The following TNFSF14 variants were observed in gnomAD, a reference collection of about 807,000 sequenced individuals.
The protein encoded by TNFSF14 is tumor necrosis factor ligand superfamily member 14.
TNFSF14 carries 15 observed loss-of-function variants against 22.7 expected under a neutral mutation model. That is an observed-to-expected ratio of 0.66 (90% CI 0.44 to 1.02). The LOEUF (loss-of-function observed/expected upper bound fraction) is 1.02, where lower values mean the gene tolerates loss of function less well. TNFSF14 is among the 50% of genes least tolerant of loss of function. TNFSF14 has a pLI of 0.00. For synonymous variants in TNFSF14, 133 were observed against 139.6 expected (o/e 0.95, Z 0.33); for missense variants, 287 against 326.2 (o/e 0.88, Z 0.93).
Position 6,663,358 on chromosome 19 carries a change from G to T in TNFSF14, c.*1568C>A, listed in dbSNP as rs1477271134. ...TGTGTGTAATGTTGTGTTTGTCATT[G>T]TGATGTGTGTGTAATGTGTGTTTGT... On this transcript the variant is annotated 3_prime_UTR_variant, in exon 4 of 4. Coordinates refer to ENST00000675206, the MANE Select transcript of TNFSF14 (RefSeq NM_001376887.1). The T allele has an allele frequency of 6.6e-6, 1 of 151,880 alleles. No individual in the cohort carries two copies. Among genetic ancestry groups the T allele is most frequent in the East Asian group, 1.9e-4 (1 of 5,174 alleles). The allele number at this position is 151,880 out of a possible 1,614,324, so 9.4% of individuals were successfully genotyped here.
At chr19:6,668,708 C>CAA (rs56998273) in intron 1 of TNFSF14, among the ~76,000 whole-genome samples, 3 of 139,384 alleles carry the variant, frequency 2.2e-5, no homozygotes, top group African/African-American at 7.9e-5. Flanking sequence ...AACCTTGTCT[C>CAA]AAAAAAAAAA....
At chr19:6,670,197 G>A (rs1917565502), upstream of TNFSF14, 1 of 1,471,666 alleles carries the variant, frequency 6.8e-7, no homozygotes, top group Non-Finnish European at 9.0e-7. Flanking sequence ...TAGAGCTGGG[G>A]TTCAGCCCCA....
At chr19:6,670,512 A>C (rs1917577263), upstream of TNFSF14, 3 of 174,668 alleles carry the variant, frequency 1.7e-5, no homozygotes, top group South Asian at 3.0e-4. Context: ...AGAGACAAGA[A>C]ACCTCGTAAA....
intron 1 of TNFSF14, 142 bp downstream of exon 1, chr19:6,669,709 C>T: frequency 7.5e-7 from 1 of 1,325,964 alleles, no homozygotes. Context: ...ACCAGTCAAG[C>T]CAGCTGCTCT....
In TNFSF14 at chr19:6,665,350, C is replaced by A; in HGVS notation, c.299G>T (p.Gly100Val). The A allele has an allele frequency of 6.4e-7, 1 of 1,563,246 alleles. No individual in the cohort carries two copies. Among genetic ancestry groups the A allele is most frequent in the Non-Finnish European group, 8.7e-7 (1 of 1,155,672 alleles). ...HEVNPAAHLTGANSSLTGSGG... is the reference protein window; with the variant it reads ...HEVNPAAHLTVANSSLTGSGG... ...GCTGCCGGTCAAGCTGGAGTTGGCC[C>A]CTGTTGGGAAGAGAGAGACAAAGGG... Residue 100 changes from glycine (G) to valine (V), a missense_variant and splice_region_variant, in exon 4 of 4, where the codon GGG becomes GTG. By Grantham distance (109) the Gly-to-Val change is moderately radical. Transcript: ENST00000675206.
intron 3 of TNFSF14, among the ~76,000 whole-genome samples, chr19:6,665,833 G>C (rs1381434009): frequency 6.6e-6 from 1 of 151,388 alleles, no homozygotes; most frequent in Non-Finnish European, 1.5e-5. Context: ...GTAGAGGTGG[G>C]GGTCTCACAA....
rs1917277501 is a variant in TNFSF14 at position 6,662,734 on chromosome 19, A to G, written c.*2192T>C. 1 of 152,252 alleles carries G rather than the reference A, an allele frequency of 6.6e-6. No individual in the cohort carries two copies. Among genetic ancestry groups the G allele is most frequent in the Non-Finnish European group, 1.5e-5 (1 of 68,054 alleles). 9.4% of individuals were successfully genotyped at this position (152,252 alleles called of 1,614,324 possible). A position where few individuals can be genotyped will look rare whatever the true frequency, so the allele number is the denominator to read the frequency against. On this transcript the variant is annotated 3_prime_UTR_variant, in exon 4 of 4. Transcript: ENST00000675206. ...TGCATAGACCCTCTAATTTGTATGC[A>G]TATCATTATCTGCCCCCACCCAACC...
rs760447856 is a variant in TNFSF14 at position 6,665,244 on chromosome 19, G to A, written c.405C>T (p.Val135=). 6.2e-7 allele frequency: 1 copy of A among 1,614,084 alleles called. No homozygotes were observed. The highest frequency in any genetic ancestry group is 8.5e-7 in the Non-Finnish European group (1 of 1,180,040). ...AGATGTAGTAGTAGCCAGCTTTGGT[G>A]ACCACAAGGGCCCCATCGTGGTAGC... ...GLSYHDGALV[V]TKAGYYYIYS... Residue 135 remains valine, a synonymous_variant, in exon 4 of 4, where the codon GTC becomes GTT. Transcript: ENST00000675206.
upstream of TNFSF14, chr19:6,670,312 T>C (rs752990900): frequency 3.1e-5 from 42 of 1,336,434 alleles, no homozygotes; most frequent in African/African-American, 8.8e-5. Flanking sequence ...CAGAGGCTTC[T>C]GAAAATGTGA....
rs919605294 is a variant in TNFSF14 at position 6,667,955 on chromosome 19, C to G, written c.220-506G>C. ...GCTCTGGAGGCTGAGGCAGGAGGAT[C>G]GCTTGAACCTGGGAGGTTGCAGTGG... On this transcript the variant is annotated intron_variant, in intron 1 of 3. Transcript: ENST00000675206. 1.3e-5 allele frequency among the ~76,000 whole-genome samples: 2 copies of G among 152,142 alleles called. 1 individual carries two copies. Among genetic ancestry groups the G allele is most frequent in the South Asian group, 4.2e-4 (2 of 4,814 alleles).
At chr19:6,669,212 A>G (rs1372348698) in intron 1 of TNFSF14, among the ~76,000 whole-genome samples, 1 of 151,998 alleles carries the variant, frequency 6.6e-6, no homozygotes, top group African/African-American at 2.4e-5. Flanking sequence ...GGCCAGGCGC[A>G]GTGGCTCACA....
Position 6,661,299 on chromosome 19 carries a change from C to G in TNFSF14, c.*3627G>C, listed in dbSNP as rs1423027171. ...TTATTAGCCGGCGACTGAGAGACGG[C>G]TAGCGCTCAAAATTCTCTCCACCCC... is the stretch of plus-strand genomic sequence containing the variant. On this transcript the variant is annotated 3_prime_UTR_variant, in exon 4 of 4. Transcript: ENST00000675206. 6.6e-6 allele frequency: 1 copy of G among 152,490 alleles called. No homozygotes were observed. The highest frequency in any genetic ancestry group is 1.5e-5 in the Non-Finnish European group (1 of 68,062). The allele number at this position is 152,490 out of a possible 1,614,324, so 9.4% of individuals were successfully genotyped here.
rs758164160 is a variant in TNFSF14 at position 6,670,034 on chromosome 19, C to G, written c.36G>C (p.Val12=). 24 of 1,614,058 alleles carry G rather than the reference C, an allele frequency of 1.5e-5. 1 individual carries two copies. The South Asian group carries it at 2.6e-4, about 18-fold the overall frequency. Residue 12 remains valine (V), a synonymous_variant, in exon 1 of 4, where the codon GTG becomes GTC. Transcript: ENST00000675206. ...ATGGGATGTCGGTCTGTCCATCCAC[C>G]ACAAACACTGAGGGCCGTACGACAC... ...EESVVRPSVF[V]VDGQTDIPFT...
chr19:6,664,272 A>C lies in TNFSF14; in HGVS notation c.*654T>G, dbSNP rs1328550178. On this transcript the variant is annotated 3_prime_UTR_variant, in exon 4 of 4. Coordinates refer to ENST00000675206, the MANE Select transcript of TNFSF14 (RefSeq NM_001376887.1). This position sits in a 1 kb window ranked among gnomAD's most constrained non-coding sequence, Gnocchi z 4.7. ...AATCCCAAGCCCCACTTTCTTCTGAATCAAAAGCATAAATACCCACCCCTC... is the reference window on the plus strand; with the variant it reads ...AATCCCAAGCCCCACTTTCTTCTGACTCAAAAGCATAAATACCCACCCCTC... 1 of 152,210 alleles carries C rather than the reference A, an allele frequency of 6.6e-6. No homozygotes were observed. The highest frequency in any genetic ancestry group is 6.5e-5 in the Admixed American group (1 of 15,278). The allele number at this position is 152,210 out of a possible 1,614,324, so 9.4% of individuals were successfully genotyped here.
In TNFSF14 at chr19:6,669,757, CACACACACACACACACAG is replaced by C. The variant is rs1436145341; in HGVS notation, c.219+76_219+93del. ...TGTCCTACACACACACACACACACA[CACACACACACACACACAG>C]ACACACAGTGACCCACAATGACACA... On this transcript the variant is annotated intron_variant, in intron 1 of 3. Transcript: ENST00000675206. 15 of 1,531,360 alleles carry C rather than the reference CACACACACACACACACAG, an allele frequency of 9.8e-6. No homozygotes were observed. In the African/African-American group the frequency reaches 1.8e-4, roughly 18 times the overall value. 94.9% of individuals were successfully genotyped at this position (1,531,360 alleles called of 1,614,324 possible). A position where few individuals can be genotyped will look rare whatever the true frequency, so the allele number is the denominator to read the frequency against.
chr19:6,665,780 T>G (rs1328445478), intron 3 of TNFSF14, among the ~76,000 whole-genome samples: 1 of 131,428 alleles, frequency 7.6e-6, no homozygotes, highest in Non-Finnish European at 1.6e-5. Context: ...TGTGTGCATG[T>G]GTGCGTGTGT....
In TNFSF14 at chr19:6,663,421, G is replaced by A. The variant is rs532436424; in HGVS notation, c.*1505C>T. ...GTGTGTGTAATGTGTGTTTGTCATCGTGATGTTGTGTGTGTAATGTGTGTT... is the reference window on the plus strand; with the variant it reads ...GTGTGTGTAATGTGTGTTTGTCATCATGATGTTGTGTGTGTAATGTGTGTT... On this transcript the variant is annotated 3_prime_UTR_variant, in exon 4 of 4. Coordinates refer to ENST00000675206, the MANE Select transcript of TNFSF14 (RefSeq NM_001376887.1). 2.7e-5 allele frequency: 4 copies of A among 150,542 alleles called. No homozygotes were observed. Among genetic ancestry groups the A allele is most frequent in the East Asian group, 1.9e-4 (1 of 5,144 alleles). 9.3% of individuals were successfully genotyped at this position (150,542 alleles called of 1,614,324 possible). A position where few individuals can be genotyped will look rare whatever the true frequency, so the allele number is the denominator to read the frequency against.
rs184440910 is a variant in TNFSF14, at chr19:6,666,776, T to G, written c.298+337A>C. Among the ~76,000 whole-genome samples, 763 of 152,144 alleles carry G rather than the reference T, an allele frequency of 5.0e-3. 6 individuals are homozygous for G. Among genetic ancestry groups the G allele is most frequent in the Non-Finnish European group, 7.6e-3 (519 of 67,994 alleles). On this transcript the variant is annotated intron_variant, in intron 3 of 3. Transcript: ENST00000675206. ...AACCGGGTGTGGTGGTGCATGCCTGTAATCCCAGGTACTTGGGAGGCTGAG... is the reference window on the plus strand; with the variant it reads ...AACCGGGTGTGGTGGTGCATGCCTGGAATCCCAGGTACTTGGGAGGCTGAG...
upstream of TNFSF14, chr19:6,670,342 G>C (rs1389314905): frequency 8.3e-7 from 1 of 1,212,104 alleles, no homozygotes; most frequent in African/African-American, 1.5e-5. Context: ...CAAGTGCAGT[G>C]GGGAGCCCCC....
Sources: gnomAD v4.1 joint callset for allele counts (sites outside exome capture counted in the v4.1 genomes callset) on GRCh38, gnomAD v4.1.1 for gene constraint, Gnocchi (gnomAD v3.1) non-coding constraint, MANE v1.5 for transcripts, NCBI Gene and HGNC (gene_info 2026-07-23, HGNC 2026-07-21) for gene names.